Variants in RAB18 observed in about 807,000 individuals in gnomAD.
RAB18 encodes RAB18, member RAS oncogene family.
RAB18 carries 10 observed loss-of-function variants against 28.5 expected under a neutral mutation model. The ratio of observed to expected loss-of-function variants is 0.35; its 90% CI spans 0.22 to 0.60. The LOEUF (loss-of-function observed/expected upper bound fraction) is 0.60, where lower values mean the gene tolerates loss of function less well. Ranked by LOEUF, RAB18 falls within the 20% of genes least tolerant of loss-of-function variation. RAB18 has a pLI of 0.78. For synonymous variants in RAB18, 93 were observed against 86.9 expected (o/e 1.07, Z -0.39); for missense variants, 188 against 244.2 (o/e 0.77, Z 1.53).
At chr10:27,510,351 T>C (rs879296228) in intron 2 of RAB18, 6 of 231,026 alleles carry the variant, frequency 2.6e-5, no homozygotes, top group Non-Finnish European at 5.2e-5. Context: ...TAATTTTGTA[T>C]GTTCAGCATT....
At chr10:27,530,766 T>C (rs182605216) in intron 3 of RAB18, among the ~76,000 whole-genome samples, 3 of 152,080 alleles carry the variant, frequency 2.0e-5, no homozygotes, top group Admixed American at 2.0e-4. Context: ...TACTATGATA[T>C]GCATAGTAGT....
intron 1 of RAB18, among the ~76,000 whole-genome samples, chr10:27,508,576 G>A (rs1489830522): frequency 6.6e-6 from 1 of 152,156 alleles, no homozygotes; most frequent in Non-Finnish European, 1.5e-5. Flanking sequence ...TACTAGTATT[G>A]TTACCTATGT....
intron 3 of RAB18, chr10:27,531,393 A>C: frequency 1.5e-6 from 2 of 1,346,452 alleles, no homozygotes; most frequent in Non-Finnish European, 9.7e-7. Flanking sequence ...AATCTTATAA[A>C]CCTCTTACAG....
At position 27,538,328 on chromosome 10, in the gene RAB18, T is replaced by TA. The variant is rs780220436; in HGVS notation, c.*284dup. On this transcript the variant is annotated 3_prime_UTR_variant, in exon 7 of 7. Coordinates refer to ENST00000356940, the MANE Select transcript of RAB18 (RefSeq NM_021252.5). Reference sequence around the variant, plus strand: ...TGATTTACATTTATCATGTAATTTTTAAAAAAATCCATCTATCTAGGATAT... The same window carrying TA: ...TGATTTACATTTATCATGTAATTTTTAAAAAAAATCCATCTATCTAGGATAT... The TA allele has an allele frequency of 5.1e-5, 28 of 544,854 alleles. 1 individual carries two copies. The highest frequency in any genetic ancestry group is 2.6e-4 in the South Asian group (17 of 65,008). 33.8% of individuals were successfully genotyped at this position (544,854 alleles called of 1,614,324 possible). A position where few individuals can be genotyped will look rare whatever the true frequency, so the allele number is the denominator to read the frequency against.
At chr10:27,519,845 C>G (rs1421953548) in intron 2 of RAB18, among the ~76,000 whole-genome samples, 1 of 151,992 alleles carries the variant, frequency 6.6e-6, no homozygotes, top group Non-Finnish European at 1.5e-5. Flanking sequence ...CTAGGAAATG[C>G]AAAGGAAGTA....
At chr10:27,509,841 A>G (rs915200566) in intron 1 of RAB18, 34 bp from the exon 2 acceptor site, 1 of 1,561,106 alleles carries the variant, frequency 6.4e-7, no homozygotes, top group African/African-American at 1.4e-5. Flanking sequence ...AGAAAATTCA[A>G]GTTCCCAACC....
chr10:27,516,898 A>G (rs1303198566), intron 2 of RAB18, among the ~76,000 whole-genome samples: 2 of 152,354 alleles, frequency 1.3e-5, no homozygotes, highest in East Asian at 1.9e-4. Flanking sequence ...CAAAAGTGGT[A>G]TGGTAAAATG....
intron 3 of RAB18, among the ~76,000 whole-genome samples, chr10:27,532,029 C>G (rs993302438): frequency 1.3e-5 from 2 of 151,812 alleles, no homozygotes; most frequent in Non-Finnish European, 2.9e-5. Flanking sequence ...AAGAGCCCAA[C>G]CTAAAAATCT....
chr10:27,506,168 T>C (rs1483107797), intron 1 of RAB18, among the ~76,000 whole-genome samples: 1 of 152,202 alleles, frequency 6.6e-6, no homozygotes, highest in Non-Finnish European at 1.5e-5. Flanking sequence ...ATTAGTGTTT[T>C]TGAAGTCAAG....
chr10:27,527,109 A>G lies in RAB18; in HGVS notation c.186+220A>G, dbSNP rs1834690356. ...TTTTCACAATGCATAATTCTTTATG[A>G]ATATTTCAAAACAGAACAGAATATT... On this transcript the variant is annotated intron_variant, in intron 3 of 6. Coordinates refer to ENST00000356940, the MANE Select transcript of RAB18 (RefSeq NM_021252.5). 4.6e-6 allele frequency: 3 copies of G among 654,084 alleles called. No individual in the cohort carries two copies. In the East Asian group the frequency reaches 9.5e-5, roughly 21 times the overall value. 40.5% of individuals were successfully genotyped at this position (654,084 alleles called of 1,614,324 possible). A position where few individuals can be genotyped will look rare whatever the true frequency, so the allele number is the denominator to read the frequency against.
At chr10:27,507,413 C>T (rs1837868626) in intron 1 of RAB18, among the ~76,000 whole-genome samples, 1 of 152,062 alleles carries the variant, frequency 6.6e-6, no homozygotes, top group South Asian at 2.1e-4. Context: ...ACCTCTCAGA[C>T]CCTAAATGTG....
chr10:27,515,893 A>T (rs1479214230), intron 2 of RAB18, among the ~76,000 whole-genome samples: 1 of 152,138 alleles, frequency 6.6e-6, no homozygotes, highest in Non-Finnish European at 1.5e-5. Flanking sequence ...TGGGAGTGTA[A>T]CTTGGAAAGT....
intron 3 of RAB18, chr10:27,531,410 C>T (rs1053930445): frequency 7.1e-7 from 1 of 1,409,210 alleles, no homozygotes; most frequent in African/African-American, 1.5e-5. Context: ...ACAGGTTATT[C>T]TAACATTTTT....
At position 27,541,401 on chromosome 10, in the gene RAB18, G is replaced by T. The variant is rs1469928298; in HGVS notation, c.*3350G>T. 2.2e-6 allele frequency: 1 copy of T among 453,222 alleles called. No homozygotes were observed. The highest frequency in any genetic ancestry group is 2.4e-5 in the Admixed American group (1 of 42,462). The allele number at this position is 453,222 out of a possible 1,614,324, so 28.1% of individuals were successfully genotyped here. A position where few individuals can be genotyped will look rare whatever the true frequency, so the allele number is the denominator to read the frequency against. On this transcript the variant is annotated 3_prime_UTR_variant, in exon 7 of 7. Coordinates refer to ENST00000356940, the MANE Select transcript of RAB18 (RefSeq NM_021252.5). ...GTTGGGAACATCTATCATGCTGGAG[G>T]ACTACTGTGATGGGGCTTTACATTT... is the stretch of plus-strand genomic sequence containing the variant.
rs1200771543 is a variant in RAB18 at position 27,541,034 on chromosome 10, T to G, written c.*2983T>G. 6.6e-6 allele frequency: 3 copies of G among 452,886 alleles called. No homozygotes were observed. The highest frequency in any genetic ancestry group is 4.7e-5 in the Admixed American group (2 of 42,398). The allele number at this position is 452,886 out of a possible 1,614,324, so 28.1% of individuals were successfully genotyped here. A position where few individuals can be genotyped will look rare whatever the true frequency, so the allele number is the denominator to read the frequency against. ...ATTTTTTTCAAATGAACTCAACAAT[T>G]CTTCAGGTATTATAGATCAGAGATC... On this transcript the variant is annotated 3_prime_UTR_variant, in exon 7 of 7. Transcript: ENST00000356940.
At position 27,539,395 on chromosome 10, in the gene RAB18, TG is replaced by T. The variant is rs1834975151; in HGVS notation, c.*1345del. The stretch of plus-strand genomic sequence containing the variant: ...TGAGTGACCACCTTTGCAATATGTT[TG>T]TTAATTTACTTCATGTTGGGTTCTT... On this transcript the variant is annotated 3_prime_UTR_variant, in exon 7 of 7. Coordinates refer to ENST00000356940, the MANE Select transcript of RAB18 (RefSeq NM_021252.5). 3.4e-6 allele frequency: 1 copy of T among 297,276 alleles called. No individual in the cohort carries two copies. The highest frequency in any genetic ancestry group is 5.0e-5 in the Admixed American group (1 of 19,988). The allele number at this position is 297,276 out of a possible 1,614,324, so 18.4% of individuals were successfully genotyped here.
rs959742002 is a variant in RAB18 at position 27,538,263 on chromosome 10, G to A, written c.*212G>A. The A allele has an allele frequency of 2.8e-5, 19 of 677,596 alleles. No individual in the cohort carries two copies. In the Admixed American group the frequency reaches 3.5e-4, roughly 12 times the overall value. The allele number at this position is 677,596 out of a possible 1,614,324, so 42.0% of individuals were successfully genotyped here. A position where few individuals can be genotyped will look rare whatever the true frequency, so the allele number is the denominator to read the frequency against. On this transcript the variant is annotated 3_prime_UTR_variant, in exon 7 of 7. Transcript: ENST00000356940. ...TTGCAGTCTACAGTTTTTTTATGTA[G>A]CACAAAATAGGTGTACCTTTATAAG...
intron 2 of RAB18, among the ~76,000 whole-genome samples, chr10:27,521,217 A>G (rs537275154): frequency 3.3e-5 from 5 of 152,204 alleles, no homozygotes; most frequent in Non-Finnish European, 4.4e-5. Flanking sequence ...CATATGGCCT[A>G]TCCTGGAGAA....
intron 1 of RAB18, among the ~76,000 whole-genome samples, chr10:27,505,372 A>G (rs1837796598): frequency 1.3e-5 from 2 of 152,132 alleles, no homozygotes; most frequent in African/African-American, 4.8e-5. Context: ...TATTTTAGCT[A>G]TACCTTCTGA....
Sources: gnomAD v4.1 joint callset for allele counts (sites outside exome capture counted in the v4.1 genomes callset) on GRCh38, gnomAD v4.1.1 for gene constraint, MANE v1.5 for transcripts, NCBI Gene and HGNC (gene_info 2026-07-23, HGNC 2026-07-21) for gene names.